SDHA: variants seen among roughly 807,000 people sequenced by gnomAD.
SDHA encodes succinate dehydrogenase [ubiquinone] flavoprotein subunit, mitochondrial.
A neutral mutation model predicts 78.4 loss-of-function variants in SDHA; 48 were observed. The observed-to-expected ratio is 0.61, with a 90% confidence interval of 0.49 to 0.78. SDHA has a LOEUF of 0.78. SDHA is among the 30% of genes least tolerant of loss of function. SDHA has a pLI of 0.00. For missense variants in SDHA, 680 were observed against 892.7 expected (o/e 0.76, Z 3.04); for synonymous variants, 326 against 353.9 (o/e 0.92, Z 0.88).
chr5:264,710 T>G, the SDHA span, among the ~76,000 whole-genome samples: 1 of 152,234 alleles, frequency 6.6e-6, no homozygotes, highest in African/African-American at 2.4e-5. Context: ...CACAGCCTAT[T>G]ACTTCGTGTG....
At chr5:231,559 C>CAA (rs56152705) in intron 7 of SDHA, among the ~76,000 whole-genome samples, 14 of 99,176 alleles carry the variant, frequency 1.4e-4, no homozygotes, top group African/African-American at 3.7e-4. Flanking sequence ...GACTCCGTCT[C>CAA]AAAAAAAAAA....
chr5:221,331 C>G (rs1734702427), intron 1 of SDHA, among the ~76,000 whole-genome samples: 1 of 152,154 alleles, frequency 6.6e-6, no homozygotes, highest in Non-Finnish European at 1.5e-5. Flanking sequence ...TTTTAGACTT[C>G]TTGCCTAGAG....
At chr5:259,951 C>A (rs554650600), downstream of SDHA, among the ~76,000 whole-genome samples, 3,248 of 7,326 alleles carry the variant, frequency 0.44, 195 homozygotes, top group East Asian at 0.53. Flanking sequence ...CCGCCTCCCG[C>A]CAGAGCATTA....
At chr5:252,216 G>A (rs1736880902) in intron 13 of SDHA, among the ~76,000 whole-genome samples, 1 of 145,134 alleles carries the variant, frequency 6.9e-6, no homozygotes, top group Non-Finnish European at 1.5e-5. Context: ...CCCTGTGAAG[G>A]AAATGCCAGT....
At position 229,638 on chromosome 5, in the gene SDHA, T is replaced by C. The variant is rs374353970; in HGVS notation, c.771-1238T>C. On this transcript the variant is annotated intron_variant, in intron 6 of 14. Coordinates refer to ENST00000264932, the MANE Select transcript of SDHA (RefSeq NM_004168.4). ...GCTGATTAAAGGTGTAACTTCCCGT[T>C]ACAAGGTGAAGTTCTGAAGGTCTAA... 2.6e-3 allele frequency among the ~76,000 whole-genome samples: 393 copies of C among 152,364 alleles called. 1 individual carries two copies. The highest frequency in any genetic ancestry group is 9.0e-3 in the African/African-American group (373 of 41,574).
intron 11 of SDHA, among the ~76,000 whole-genome samples, chr5:246,575 A>G (rs1736477500): frequency 6.6e-6 from 1 of 152,256 alleles, no homozygotes; most frequent in Non-Finnish European, 1.5e-5. Flanking sequence ...AAGGCTCTAG[A>G]TTTGCTAATT....
At chr5:218,843 C>T (rs751094300) in intron 1 of SDHA, among the ~76,000 whole-genome samples, 1 of 152,200 alleles carries the variant, frequency 6.6e-6, no homozygotes, top group South Asian at 2.1e-4. Context: ...CCTCTGCCGC[C>T]CTCTGTGCGG....
At chr5:241,357 A>G (rs1020172534) in intron 11 of SDHA, among the ~76,000 whole-genome samples, 1 of 152,190 alleles carries the variant, frequency 6.6e-6, no homozygotes, top group African/African-American at 2.4e-5. Flanking sequence ...GATATCGATC[A>G]TGTCATCATG....
intron 10 of SDHA, among the ~76,000 whole-genome samples, chr5:239,836 C>G (rs7706740): frequency 0.095 from 14,410 of 150,926 alleles, 2,239 homozygotes; most frequent in African/African-American, 0.33. Flanking sequence ...GTGGCGCGAT[C>G]TCGGCTCACT....
intron 1 of SDHA, 111 bp downstream of exon 1, chr5:218,529 C>T (rs1482753926): frequency 2.4e-6 from 2 of 846,910 alleles, no homozygotes; most frequent in Non-Finnish European, 3.2e-6. Context: ...CCTGCGCCCT[C>T]TGTCCCGGGA....
chr5:237,759 G>A (rs1470729534), intron 10 of SDHA, among the ~76,000 whole-genome samples: 21 of 136,434 alleles, frequency 1.5e-4, no homozygotes, highest in Non-Finnish European at 2.4e-4. Flanking sequence ...ACTTATAAAC[G>A]TGCCCCCTTT....
chr5:230,626 A>AAAAT (rs940962687), intron 6 of SDHA, among the ~76,000 whole-genome samples: 5 of 137,554 alleles, frequency 3.6e-5, no homozygotes, highest in African/African-American at 1.0e-4. Flanking sequence ...ATCCTATCTC[A>AAAAT]AAATAAATAA....
At chr5:239,155 T>C (rs1307727234) in intron 10 of SDHA, among the ~76,000 whole-genome samples, 2 of 133,152 alleles carry the variant, frequency 1.5e-5, no homozygotes, top group Non-Finnish European at 3.1e-5. Flanking sequence ...GGGGCCTGTT[T>C]GACTCCTGCA....
Position 224,358 on chromosome 5 carries a change from A to C in SDHA, c.151-2A>C. The stretch of plus-strand genomic sequence containing the variant: ...ATTGACAGGTGAATTTTTCTTTTCC[A>C]GATTTCTGCTCAGTATCCAGTAGTG... On this transcript the variant is annotated splice_acceptor_variant, in intron 2 of 14. Transcript: ENST00000264932. LOFTEE classifies it high-confidence loss of function. 1 of 1,612,988 alleles carries C rather than the reference A, an allele frequency of 6.2e-7. No individual in the cohort carries two copies. The highest frequency in any genetic ancestry group is 8.5e-7 in the Non-Finnish European group (1 of 1,179,668).
At chr5:244,895 T>TG (rs1309319789) in intron 11 of SDHA, among the ~76,000 whole-genome samples, 5 of 152,116 alleles carry the variant, frequency 3.3e-5, no homozygotes, top group Admixed American at 6.5e-5. Flanking sequence ...ATGCATGAAA[T>TG]GGGGTATGTC....
At chr5:258,504 G>T (rs1364983703), downstream of SDHA, among the ~76,000 whole-genome samples, 2 of 126,032 alleles carry the variant, frequency 1.6e-5, no homozygotes, top group African/African-American at 8.5e-5. Flanking sequence ...ATTACCGTGT[G>T]AGCTCCGCCC....
At chr5:236,315 C>T (rs1229993425) in intron 9 of SDHA, 113 bp from the exon 10 acceptor site, 22 of 1,103,674 alleles carry the variant, frequency 2.0e-5, no homozygotes, top group East Asian at 1.2e-4. Context: ...TGAGCCACCA[C>T]GCCTGGCCTA....
rs762108779 is a variant in SDHA at position 228,192 on chromosome 5, G to A, written c.629G>A (p.Arg210Gln). ...LLHTLYGRSL[R>Q]YDTSYFVEYF... ...TTTTTTCCTTTCTTTTAGTCTCTGC[G>A]ATATGATACCAGCTATTTTGTGGAG... The change falls in exon 6 of 15, where the codon CGA becomes CAA. Residue 210 changes from arginine (R) to glutamine (Q), a missense_variant. By Grantham distance (43) the Arg-to-Gln change is conservative. Transcript: ENST00000264932. 33 of 1,613,338 alleles carry A rather than the reference G, an allele frequency of 2.0e-5. No homozygotes were observed. The highest frequency in any genetic ancestry group is 3.3e-4 in the Middle Eastern group (2 of 6,078).
chr5:224,656 C>A, intron 3 of SDHA, 135 bp downstream of exon 3: 1 of 912,628 alleles, frequency 1.1e-6, no homozygotes, highest in Non-Finnish European at 1.8e-6. Context: ...ACTCAGCTCA[C>A]CCTCTCAGGG....
Sources: gnomAD v4.1 joint callset for allele counts (sites outside exome capture counted in the v4.1 genomes callset) on GRCh38, gnomAD v4.1.1 for gene constraint, MANE v1.5 for transcripts, NCBI Gene and HGNC (gene_info 2026-07-23, HGNC 2026-07-21) for gene names.